The following ETV6 variants were observed in gnomAD, a reference collection of about 807,000 sequenced individuals.
The protein encoded by ETV6 is transcription factor ETV6.
ETV6 carries 16 observed loss-of-function variants against 51.1 expected under a neutral mutation model. The observed-to-expected ratio is 0.31, with a 90% CI of 0.21 to 0.48. ETV6 has a LOEUF of 0.48. Among genes scored for constraint, ETV6 ranks in the 20% least tolerant of loss-of-function variants. ETV6 has a pLI of 0.99. For synonymous variants in ETV6, 240 were observed against 224.1 expected (o/e 1.07, Z -0.64); for missense variants, 458 against 594.8 (o/e 0.77, Z 2.39).
chr12:11,803,746 A>G (rs548124996), intron 2 of ETV6, among the ~76,000 whole-genome samples: 3 of 152,314 alleles, frequency 2.0e-5, no homozygotes, highest in African/African-American at 7.2e-5. Context: ...TTGATTTTGT[A>G]TTATAGAATG....
At chr12:11,779,431 G>A (rs1945380786) in intron 2 of ETV6, among the ~76,000 whole-genome samples, 1 of 152,152 alleles carries the variant, frequency 6.6e-6, no homozygotes, top group African/African-American at 2.4e-5. Flanking sequence ...TTCAAAGCTA[G>A]ACTTGGTAAT....
chr12:11,804,145 A>G (rs1424804223), intron 2 of ETV6, among the ~76,000 whole-genome samples: 1 of 152,182 alleles, frequency 6.6e-6, no homozygotes, highest in Non-Finnish European at 1.5e-5. Context: ...GTGCTGGGAT[A>G]TATCAGTGAC....
intron 1 of ETV6, among the ~76,000 whole-genome samples, chr12:11,723,320 C>T (rs1865427297): frequency 6.6e-6 from 1 of 152,048 alleles, no homozygotes; most frequent in African/African-American, 2.4e-5. Context: ...TACTATAGGC[C>T]AGAGATTGAC....
chr12:11,847,442 G>A (rs1423589998), intron 3 of ETV6, among the ~76,000 whole-genome samples: 1 of 152,226 alleles, frequency 6.6e-6, no homozygotes, highest in African/African-American at 2.4e-5. Context: ...CATGGGAGTA[G>A]ATGAGGTTGC....
chr12:11,862,797 G>A (rs1946735191), intron 4 of ETV6, among the ~76,000 whole-genome samples: 1 of 152,184 alleles, frequency 6.6e-6, no homozygotes, highest in Non-Finnish European at 1.5e-5. Context: ...TATGAATTTT[G>A]GGGGAGAGAT....
Position 11,650,481 on chromosome 12 carries a change from T to TAAAAAAAA in ETV6, c.33+328_33+335dup, listed in dbSNP as rs367594605. Among the ~76,000 whole-genome samples the TAAAAAAAA allele has an allele frequency of 4.2e-3, 183 of 43,294 alleles. 22 individuals carry two copies. The highest frequency in any genetic ancestry group is 6.9e-3 in the African/African-American group (81 of 11,764). 28.4% of individuals were successfully genotyped at this position (43,294 alleles called of 152,430 possible). The stretch of plus-strand genomic sequence containing the variant: ...AAAACACCCCCGTAATTAGTGCGCT[T>TAAAAAAAA]AAAAAAAAAAAAAACAAAAAACAAA... On this transcript the variant is annotated intron_variant, in intron 1 of 7. Transcript: ENST00000396373.
intron 3 of ETV6, among the ~76,000 whole-genome samples, chr12:11,848,589 CTG>C (rs1170745426): frequency 2.0e-5 from 3 of 152,198 alleles, no homozygotes; most frequent in Admixed American, 1.3e-4. Context: ...CAATGCAAAA[CTG>C]TGTTTTGTTT....
chr12:11,886,516 A>G (rs1244116376), intron 7 of ETV6, among the ~76,000 whole-genome samples: 1 of 152,010 alleles, frequency 6.6e-6, no homozygotes, highest in Non-Finnish European at 1.5e-5. Flanking sequence ...TGAAAATGCC[A>G]GACTGCATGA....
At chr12:11,709,087 G>GTA (rs924105166) in intron 1 of ETV6, among the ~76,000 whole-genome samples, 3 of 152,008 alleles carry the variant, frequency 2.0e-5, no homozygotes, top group Non-Finnish European at 4.4e-5. Flanking sequence ...ACCCCCCATT[G>GTA]TATTCTATAT....
chr12:11,778,239 C>T (rs896537506), intron 2 of ETV6, among the ~76,000 whole-genome samples: 9 of 152,204 alleles, frequency 5.9e-5, no homozygotes, highest in Non-Finnish European at 1.3e-4. Flanking sequence ...GGGCCCTGTC[C>T]AGCATCTGGC....
chr12:11,740,429 T>A (rs576120136), intron 1 of ETV6, among the ~76,000 whole-genome samples: 2 of 152,332 alleles, frequency 1.3e-5, no homozygotes, highest in East Asian at 3.9e-4. Flanking sequence ...CTAGTAAGAC[T>A]TGATGCTGTA....
At chr12:11,800,703 T>C (rs1454800349) in intron 2 of ETV6, among the ~76,000 whole-genome samples, 2 of 152,314 alleles carry the variant, frequency 1.3e-5, no homozygotes, top group Non-Finnish European at 2.9e-5. Flanking sequence ...GCAGATGGAC[T>C]TCAAAATGTA....
At chr12:11,785,303 C>T (rs1463190238) in intron 2 of ETV6, among the ~76,000 whole-genome samples, 1 of 152,204 alleles carries the variant, frequency 6.6e-6, no homozygotes, top group Non-Finnish European at 1.5e-5. Context: ...CTGCGTCCCT[C>T]CTTCAGAGAT....
intron 1 of ETV6, among the ~76,000 whole-genome samples, chr12:11,666,975 A>T (rs76134204): frequency 0.019 from 2,880 of 152,256 alleles, 72 homozygotes; most frequent in African/African-American, 0.065. Flanking sequence ...GGGCTTGTGC[A>T]GTAGGTTGAG....
intron 5 of ETV6, among the ~76,000 whole-genome samples, chr12:11,876,520 C>T (rs1028444115): frequency 4.6e-5 from 7 of 152,216 alleles, no homozygotes; most frequent in Non-Finnish European, 7.3e-5. Flanking sequence ...CCGTTAAAAC[C>T]TGAGCCACCA....
At chr12:11,777,084 T>A (rs1373379451) in intron 2 of ETV6, among the ~76,000 whole-genome samples, 6 of 151,808 alleles carry the variant, frequency 4.0e-5, no homozygotes, top group African/African-American at 9.7e-5. Flanking sequence ...TAAAAATATT[T>A]AAAAAATTAG....
intron 2 of ETV6, among the ~76,000 whole-genome samples, chr12:11,813,378 T>C (rs982205330): frequency 6.6e-6 from 1 of 152,228 alleles, no homozygotes; most frequent in African/African-American, 2.4e-5. Flanking sequence ...CGGGGCTGTC[T>C]GAGCAACCCA....
intron 2 of ETV6, among the ~76,000 whole-genome samples, chr12:11,831,488 G>A (rs180677536): frequency 4.5e-4 from 68 of 152,306 alleles, no homozygotes; most frequent in African/African-American, 1.6e-3. Flanking sequence ...GCCTCCCAAA[G>A]TGCTGGGATT....
At chr12:11,862,887 A>C (rs771477446) in intron 4 of ETV6, among the ~76,000 whole-genome samples, 1 of 152,208 alleles carries the variant, frequency 6.6e-6, no homozygotes, top group Non-Finnish European at 1.5e-5. Flanking sequence ...CCTTGAGCTT[A>C]TGACTTCTGT....
Sources: gnomAD v4.1 joint callset for allele counts (sites outside exome capture counted in the v4.1 genomes callset) on GRCh38, gnomAD v4.1.1 for gene constraint, MANE v1.5 for transcripts, NCBI Gene and HGNC (gene_info 2026-07-23, HGNC 2026-07-21) for gene names.